The following LRP1B variants were observed in gnomAD, a reference collection of about 807,000 sequenced individuals.
LRP1B encodes LDL receptor related protein 1B, also known as low-density lipoprotein receptor-related protein 1B.
LRP1B carries 217 observed loss-of-function variants against 556.6 expected under a neutral mutation model. The ratio of observed to expected loss-of-function variants is 0.39; its 90% CI spans 0.35 to 0.44. The LOEUF is 0.44. Ranked by LOEUF, LRP1B falls within the 20% of genes least tolerant of loss-of-function variation. The pLI, the probability that LRP1B is intolerant of heterozygous loss-of-function variation, is 1.00. For synonymous variants in LRP1B, 2,047 were observed against 1,865.8 expected, an observed-to-expected ratio of 1.10 and a Z score of -2.50; for missense variants, 5,053 against 5,620.8, an observed-to-expected ratio of 0.90 and a Z score of 3.23.
In LRP1B at chr2:140,285,026, G is replaced by GTGTATA. The variant is rs1553439389; in HGVS notation, c.12968-10429_12968-10428insTATACA. Among the ~76,000 whole-genome samples, 9 of 144,658 alleles carry GTGTATA rather than the reference G, an allele frequency of 6.2e-5. No homozygotes were observed. The East Asian group carries it at 1.9e-3, about 30-fold the overall frequency. 94.9% of individuals were successfully genotyped at this position (144,658 alleles called of 152,430 possible). A position where few individuals can be genotyped will look rare whatever the true frequency, so the allele number is the denominator to read the frequency against. On this transcript the variant is annotated intron_variant, in intron 84 of 90. Transcript: ENST00000389484. ...TAGATATCTCTCTGTGTGTGTGTGTGTATATATATATATATATGGATATCT... is the reference window on the plus strand; with the variant it reads ...TAGATATCTCTCTGTGTGTGTGTGTGTGTATATATATATATATATATATGGATATCT...
chr2:140,271,198 A>G (rs1682445737), intron 85 of LRP1B, among the ~76,000 whole-genome samples: 1 of 151,996 alleles, frequency 6.6e-6, no homozygotes, highest in Non-Finnish European at 1.5e-5. Flanking sequence ...GAGTGAATGC[A>G]GAAATGTGCA....
intron 7 of LRP1B, among the ~76,000 whole-genome samples, chr2:141,131,575 C>CA (rs1419476368): frequency 4.6e-5 from 7 of 150,616 alleles, no homozygotes; most frequent in Admixed American, 2.7e-4. Context: ...ACATTCTATA[C>CA]AAAAAATATT....
At chr2:140,738,918 G>A (rs550817973) in intron 35 of LRP1B, among the ~76,000 whole-genome samples, 2 of 152,126 alleles carry the variant, frequency 1.3e-5, no homozygotes, top group Non-Finnish European at 2.9e-5. Context: ...TTTTGTAATA[G>A]CACCAGCACC....
At chr2:141,345,653 C>T (rs1688226036) in intron 3 of LRP1B, among the ~76,000 whole-genome samples, 1 of 115,954 alleles carries the variant, frequency 8.6e-6, no homozygotes, top group Admixed American at 8.9e-5. Context: ...CCATACCTGG[C>T]TAATTTTTTT....
At chr2:141,147,517 TTTTTAATAAATAAAAAAGTCTCAGG>T (rs1346492960) in intron 7 of LRP1B, among the ~76,000 whole-genome samples, 2 of 152,222 alleles carry the variant, frequency 1.3e-5, no homozygotes, top group Non-Finnish European at 2.9e-5. Context: ...GAGAGCATTT[TTTTTAATAAATAAAAAAGTCTCAGG>T]AACTTAATGT....
intron 3 of LRP1B, among the ~76,000 whole-genome samples, chr2:141,285,412 G>A (rs2105396662): frequency 6.8e-6 from 1 of 146,328 alleles, no homozygotes; most frequent in South Asian, 2.2e-4. Context: ...ATTACAATGA[G>A]CAGTACAATA....
chr2:141,030,187 CA>C, intron 11 of LRP1B, among the ~76,000 whole-genome samples: 1 of 152,046 alleles, frequency 6.6e-6, no homozygotes, highest in South Asian at 2.1e-4. Context: ...GTAGTAAATA[CA>C]AATTACTTTT....
At position 140,532,204 on chromosome 2, in the gene LRP1B, C is replaced by T. The variant is rs535144733; in HGVS notation, c.7762+1817G>A. 1.7e-4 allele frequency among the ~76,000 whole-genome samples: 26 copies of T among 152,166 alleles called. No individual in the cohort carries two copies. The South Asian group carries it at 2.7e-3, about 16-fold the overall frequency. ...AAACAAATCTTATTATTATAGGTTT[C>T]GTTAACACAATCCTATTCTTTTCAT... On this transcript the variant is annotated intron_variant, in intron 47 of 90. Coordinates refer to ENST00000389484, the MANE Select transcript of LRP1B (RefSeq NM_018557.3).
intron 1 of LRP1B, among the ~76,000 whole-genome samples, chr2:141,836,109 C>T (rs1269691719): frequency 1.3e-5 from 2 of 151,832 alleles, no homozygotes; most frequent in Admixed American, 1.3e-4. Flanking sequence ...ATGTGTATGT[C>T]TTGTGAAAAG....
chr2:141,427,324 C>A (rs550445832), intron 3 of LRP1B, among the ~76,000 whole-genome samples: 1 of 152,098 alleles, frequency 6.6e-6, no homozygotes, highest in Non-Finnish European at 1.5e-5. Flanking sequence ...TGAGAAACAG[C>A]AAGTCAGCAG....
intron 66 of LRP1B, among the ~76,000 whole-genome samples, chr2:140,441,683 T>G (rs1686431449): frequency 6.6e-6 from 1 of 152,200 alleles, no homozygotes. Flanking sequence ...TTTAACACAC[T>G]TCTGTGAAGT....
In LRP1B at chr2:140,501,754, T is replaced by C. The variant is rs780569325; in HGVS notation, c.8783A>G (p.Asn2928Ser). 6.2e-7 allele frequency: 1 copy of C among 1,612,944 alleles called. No individual in the cohort carries two copies. Among genetic ancestry groups the C allele is most frequent in the Non-Finnish European group, 8.5e-7 (1 of 1,179,222 alleles). The change falls in exon 55 of 91, where the codon AAT (asparagine) becomes AGT (serine). Residue 2928 changes from asparagine to serine, a missense_variant. Asn to Ser is a conservative substitution (Grantham distance 46). This residue lies in a region of LRP1B where 3,619 missense variants were observed against 3,931.9 expected (regional missense o/e 0.92). Transcript: ENST00000389484. ...DGSDERNCHI[N>S]ECLSKKVSGC... ...ACTGACTTTCTTACTCAAACATTCA[T>C]TTATATGGCAGTTTCTCTCATCTGA... is the stretch of plus-strand genomic sequence containing the variant.
At chr2:141,670,755 G>A (rs903615818) in intron 2 of LRP1B, among the ~76,000 whole-genome samples, 1 of 152,118 alleles carries the variant, frequency 6.6e-6, no homozygotes, top group African/African-American at 2.4e-5. Context: ...GGAACTTTTG[G>A]CACTTAGTTC....
chr2:140,615,588 A>G (rs970257423), intron 41 of LRP1B, among the ~76,000 whole-genome samples: 2 of 152,088 alleles, frequency 1.3e-5, no homozygotes, highest in African/African-American at 4.8e-5. Flanking sequence ...TCATCTAGCT[A>G]GCTTTGATAA....
intron 41 of LRP1B, among the ~76,000 whole-genome samples, chr2:140,623,260 C>T (rs959494085): frequency 6.6e-6 from 1 of 152,072 alleles, no homozygotes; most frequent in Non-Finnish European, 1.5e-5. Context: ...TTGTAACTAC[C>T]AATTTATTTA....
intron 2 of LRP1B, among the ~76,000 whole-genome samples, chr2:141,690,396 A>AATAAATAAAAAT (rs5834858): frequency 5.6e-4 from 15 of 26,928 alleles, no homozygotes; most frequent in African/African-American, 1.8e-3. Flanking sequence ...TACATCTATA[A>AATAAATAAAAAT]ATATATATAT....
intron 2 of LRP1B, among the ~76,000 whole-genome samples, chr2:141,617,170 G>A (rs73965731): frequency 0.045 from 6,837 of 152,056 alleles, 514 homozygotes; most frequent in African/African-American, 0.16. Flanking sequence ...ATGTGTGCTC[G>A]TAAAGGCAAG....
At chr2:140,394,863 C>T (rs1350721259) in intron 66 of LRP1B, among the ~76,000 whole-genome samples, 1 of 152,098 alleles carries the variant, frequency 6.6e-6, no homozygotes, top group Non-Finnish European at 1.5e-5. Context: ...TTGTAAGTAT[C>T]ATAACCTCAT....
chr2:140,467,563 A>G (rs1687597130), intron 60 of LRP1B, among the ~76,000 whole-genome samples: 1 of 149,348 alleles, frequency 6.7e-6, no homozygotes, highest in African/African-American at 2.5e-5. Flanking sequence ...CAGTGAGTCG[A>G]GATCAAGCCA....
Sources: gnomAD v4.1 joint callset for allele counts (sites outside exome capture counted in the v4.1 genomes callset) on GRCh38, gnomAD v4.1.1 for gene constraint, gnomAD v4.1.1 regional missense constraint, MANE v1.5 for transcripts, NCBI Gene and HGNC (gene_info 2026-07-23, HGNC 2026-07-21) for gene names.